The following OSBPL8 variants were observed in gnomAD, a reference collection of about 807,000 sequenced individuals.
OSBPL8 encodes the protein oxysterol binding protein like 8.
A neutral mutation model predicts 125.5 loss-of-function variants in OSBPL8; 59 were observed. The ratio of observed to expected loss-of-function variants is 0.47; its 90% confidence interval spans 0.38 to 0.58. The LOEUF (loss-of-function observed/expected upper bound fraction) is 0.58, where lower values mean the gene tolerates loss of function less well. OSBPL8 is among the 20% of genes least tolerant of loss of function. The pLI, the probability that OSBPL8 is intolerant of heterozygous loss-of-function variation, is 0.00. For synonymous variants in OSBPL8, 330 were observed against 338.9 expected, an observed-to-expected ratio of 0.97 and a Z score of 0.29; for missense variants, 758 against 1,047.8, an observed-to-expected ratio of 0.72 and a Z score of 3.82.
chr12:76,456,717 T>C, intron 3 of OSBPL8, among the ~76,000 whole-genome samples: 1 of 152,332 alleles, frequency 6.6e-6, no homozygotes, highest in Non-Finnish European at 1.5e-5. Context: ...ACACATATTG[T>C]ATATGTTGTA....
At chr12:76,540,628 T>C (rs1459708326) in intron 1 of OSBPL8, among the ~76,000 whole-genome samples, 1 of 151,634 alleles carries the variant, frequency 6.6e-6, no homozygotes, top group Non-Finnish European at 1.5e-5. Flanking sequence ...TGAGTTTTTA[T>C]AGCTGCTGGA....
At chr12:76,372,022 G>C (rs1370752549) in intron 18 of OSBPL8, among the ~76,000 whole-genome samples, 1 of 152,124 alleles carries the variant, frequency 6.6e-6, no homozygotes, top group East Asian at 1.9e-4. Context: ...TTAAAAATTT[G>C]AGGTCTATCT....
At chr12:76,366,675 A>G (rs1483353992) in intron 21 of OSBPL8, 1 of 367,840 alleles carries the variant, frequency 2.7e-6, no homozygotes, top group Admixed American at 3.7e-5. Flanking sequence ...GTTCACAGAT[A>G]TATATTTTCC....
At chr12:76,358,420 G>C (rs11610317) in intron 22 of OSBPL8, among the ~76,000 whole-genome samples, 24,167 of 151,846 alleles carry the variant, frequency 0.16, 2,260 homozygotes, top group Middle Eastern at 0.25. Context: ...GGCCTCAAGT[G>C]ATCTGCCCAC....
intron 4 of OSBPL8, among the ~76,000 whole-genome samples, chr12:76,442,211 C>T (rs1289573637): frequency 2.0e-5 from 3 of 152,138 alleles, no homozygotes; most frequent in Admixed American, 2.0e-4. Context: ...ATGCTTAAAG[C>T]TGAATTATTC....
intron 4 of OSBPL8, among the ~76,000 whole-genome samples, chr12:76,418,109 G>A (rs1287523258): frequency 1.4e-5 from 2 of 142,030 alleles, no homozygotes; most frequent in Admixed American, 7.7e-5. Flanking sequence ...TCCGCCTCCC[G>A]GGTTCAAGCA....
At position 76,394,664 on chromosome 12, in the gene OSBPL8, T is replaced by A; in HGVS notation, c.738A>T (p.Arg246=). The A allele has an allele frequency of 6.2e-7, 1 of 1,612,504 alleles. No individual in the cohort carries two copies. Among genetic ancestry groups the A allele is most frequent in the Non-Finnish European group, 8.5e-7 (1 of 1,179,302 alleles). The part of the protein sequence containing the change: ...QPLPSSYLII[R]ATSESDGRCW... ...ACTTACCATCTGACTCTGAAGTAGC[T>A]CGGATGATCAAATAACTGCTAGGTA... The change falls in exon 9 of 24, where the codon CGA becomes CGT. Residue 246 remains arginine, a synonymous_variant. Transcript: ENST00000261183.
At chr12:76,379,948 A>T (rs1362129573) in intron 15 of OSBPL8, among the ~76,000 whole-genome samples, 2 of 152,224 alleles carry the variant, frequency 1.3e-5, no homozygotes, top group Admixed American at 1.3e-4. Flanking sequence ...GTCAAAAAAC[A>T]TTTGACCATG....
intron 2 of OSBPL8, among the ~76,000 whole-genome samples, chr12:76,461,324 T>A (rs1046572455): frequency 3.3e-5 from 5 of 152,190 alleles, no homozygotes; most frequent in Admixed American, 2.6e-4. Context: ...GAAAGCCAAC[T>A]GTCACTTCAT....
intron 17 of OSBPL8, among the ~76,000 whole-genome samples, chr12:76,374,069 G>C (rs891599184): frequency 6.6e-6 from 1 of 152,012 alleles, no homozygotes; most frequent in African/African-American, 2.4e-5. Flanking sequence ...CAAGGTGAAA[G>C]AAAAATAAAA....
rs1950113812 is a variant in OSBPL8, at chr12:76,524,574, A to T, written c.-68+34823T>A. ...AAAAACAAAGAAAGGACAACCAGGT[A>T]TTACACACTTCCTGATACAAAGTAT... is the stretch of plus-strand genomic sequence containing the variant. On this transcript the variant is annotated intron_variant, in intron 1 of 23. Coordinates refer to ENST00000261183, the MANE Select transcript of OSBPL8 (RefSeq NM_020841.5). Among the ~76,000 whole-genome samples, 4 of 152,232 alleles carry T rather than the reference A, an allele frequency of 2.6e-5. No homozygotes were observed. In the South Asian group the frequency reaches 8.3e-4, roughly 31 times the overall value.
intron 1 of OSBPL8, among the ~76,000 whole-genome samples, chr12:76,514,726 G>C (rs1881361026): frequency 6.6e-6 from 1 of 152,116 alleles, no homozygotes; most frequent in Non-Finnish European, 1.5e-5. Context: ...AGTTTTCATG[G>C]ACAATATCCT....
At chr12:76,389,535 T>G (rs1953468371) in intron 12 of OSBPL8, 110 bp downstream of exon 12, 1 of 820,644 alleles carries the variant, frequency 1.2e-6, no homozygotes, top group South Asian at 2.4e-5. Context: ...CAGAGAGTGA[T>G]GTCTCATTAG....
chr12:76,463,539 TGTTA>T (rs1592726481), intron 2 of OSBPL8, among the ~76,000 whole-genome samples: 1 of 152,208 alleles, frequency 6.6e-6, no homozygotes, highest in African/African-American at 2.4e-5. Context: ...ATGAGAGTTA[TGTTA>T]TATGACCTGA....
chr12:76,365,926 T>C (rs1344700402), intron 21 of OSBPL8, among the ~76,000 whole-genome samples: 1 of 152,240 alleles, frequency 6.6e-6, no homozygotes, highest in Non-Finnish European at 1.5e-5. Flanking sequence ...CTTGCATTTC[T>C]GGAATAAATT....
At chr12:76,542,567 A>G (rs1364453311) in intron 1 of OSBPL8, among the ~76,000 whole-genome samples, 6 of 152,186 alleles carry the variant, frequency 3.9e-5, no homozygotes, top group African/African-American at 9.6e-5. Flanking sequence ...AATAATCTGC[A>G]TTTCTACTAA....
chr12:76,436,571 G>A (rs138681329), intron 4 of OSBPL8, among the ~76,000 whole-genome samples: 3 of 151,428 alleles, frequency 2.0e-5, no homozygotes, highest in African/African-American at 7.3e-5. Context: ...TTCATAAAGG[G>A]ACATTAAATA....
At chr12:76,477,501 T>C (rs546421101) in intron 2 of OSBPL8, among the ~76,000 whole-genome samples, 11 of 152,204 alleles carry the variant, frequency 7.2e-5, no homozygotes, top group East Asian at 3.9e-4. Flanking sequence ...AGGGATACTA[T>C]GTAAAATAAC....
intron 1 of OSBPL8, among the ~76,000 whole-genome samples, chr12:76,493,197 G>C (rs1179879529): frequency 6.6e-6 from 1 of 152,164 alleles, no homozygotes; most frequent in Non-Finnish European, 1.5e-5. Flanking sequence ...CAGGATTGTT[G>C]AGAGGACCCC....
Sources: allele counts gnomAD v4.1 joint callset (sites outside exome capture counted in the v4.1 genomes callset), GRCh38; gene constraint gnomAD v4.1.1; transcripts MANE v1.5; gene names NCBI Gene and HGNC (gene_info 2026-07-23, HGNC 2026-07-21).